The following RELN variants were observed in gnomAD, a reference collection of about 807,000 sequenced individuals.
RELN encodes reelin.
In RELN, 108 loss-of-function variants were observed where a neutral mutation model predicts 427.6. That is an observed-to-expected ratio of 0.25 (90% confidence interval 0.22 to 0.30). RELN has a LOEUF of 0.30. Ranked by LOEUF, RELN falls within the 10% of genes least tolerant of loss-of-function variation. RELN has a pLI of 1.00. For synonymous variants in RELN, 1,524 were observed against 1,513.4 expected, an observed-to-expected ratio of 1.01 and a Z score of -0.16; for missense variants, 3,715 against 4,302.8, an observed-to-expected ratio of 0.86 and a Z score of 3.82.
chr7:103,851,497 C>T (rs1446152977), intron 2 of RELN, among the ~76,000 whole-genome samples: 1 of 152,026 alleles, frequency 6.6e-6, no homozygotes, highest in East Asian at 1.9e-4. Flanking sequence ...ATAAATAAAT[C>T]CCCCCAAAAC....
chr7:103,604,534 A>T (rs362681), intron 22 of RELN, 51 bp from the exon 23 acceptor site: 1 of 1,601,242 alleles, frequency 6.2e-7, no homozygotes. Flanking sequence ...TTCAGCAGTG[A>T]CATTGGCAAA....
At chr7:103,858,463 C>T (rs1435116900) in intron 2 of RELN, among the ~76,000 whole-genome samples, 1 of 152,032 alleles carries the variant, frequency 6.6e-6, no homozygotes, top group Non-Finnish European at 1.5e-5. Flanking sequence ...GTAACCAAGC[C>T]AAATACTCTG....
intron 2 of RELN, among the ~76,000 whole-genome samples, chr7:103,884,623 G>T (rs563458723): frequency 6.6e-6 from 1 of 152,082 alleles, no homozygotes; most frequent in Admixed American, 6.5e-5. Context: ...GTGGGTGAAG[G>T]ATATGAACAG....
chr7:103,518,501 T>TC (rs1829624593), intron 49 of RELN, among the ~76,000 whole-genome samples: 1 of 139,862 alleles, frequency 7.1e-6, no homozygotes, highest in African/African-American at 3.0e-5. Context: ...CCCAGGTAAT[T>TC]TAAGTTTTTT....
At chr7:103,853,702 T>C (rs979020855) in intron 2 of RELN, among the ~76,000 whole-genome samples, 22 of 152,066 alleles carry the variant, frequency 1.4e-4, no homozygotes, top group Admixed American at 1.4e-3. Context: ...AGAATTTTTA[T>C]ATTTTAATGT....
chr7:103,748,137 AG>A (rs1281771023), intron 6 of RELN, among the ~76,000 whole-genome samples: 6 of 129,864 alleles, frequency 4.6e-5, no homozygotes, highest in Admixed American at 8.3e-5. Context: ...CTACTTAGAA[AG>A]GTTTTTTTTT....
chr7:103,969,691 T>C (rs1796724752), intron 1 of RELN, among the ~76,000 whole-genome samples: 1 of 152,208 alleles, frequency 6.6e-6, no homozygotes, highest in South Asian at 2.1e-4. Context: ...ATTATGAAAA[T>C]GTTTTTGTAA....
chr7:103,952,592 A>G (rs1796356078), intron 1 of RELN, among the ~76,000 whole-genome samples: 1 of 151,970 alleles, frequency 6.6e-6, no homozygotes, highest in Admixed American at 6.6e-5. Context: ...ACTTGACACT[A>G]AAAGAAAATC....
At position 103,569,701 on chromosome 7, in the gene RELN, A is replaced by G. The variant is rs988631011; in HGVS notation, c.4588+2483T>C. On this transcript the variant is annotated intron_variant, in intron 31 of 64. Coordinates refer to ENST00000428762, the MANE Select transcript of RELN (RefSeq NM_005045.4). The surrounding 1 kb of genome is among the most constrained non-coding windows in gnomAD (Gnocchi z 4.0). The stretch of plus-strand genomic sequence containing the variant: ...AGGGCCCCAATTCCAAAGGACAAAG[A>G]AGGAGAGCCTCTCAGATAAGAATGA... 6.6e-6 allele frequency among the ~76,000 whole-genome samples: 1 copy of G among 152,182 alleles called. No individual in the cohort carries two copies. Among genetic ancestry groups the G allele is most frequent in the African/African-American group, 2.4e-5 (1 of 41,436 alleles).
intron 2 of RELN, among the ~76,000 whole-genome samples, chr7:103,911,951 A>G (rs1041053668): frequency 2.0e-5 from 3 of 151,134 alleles, no homozygotes; most frequent in African/African-American, 4.9e-5. Context: ...ACATGTATAC[A>G]TATGTAACTA....
At chr7:103,891,717 C>T (rs1055050460) in intron 2 of RELN, among the ~76,000 whole-genome samples, 2 of 152,146 alleles carry the variant, frequency 1.3e-5, no homozygotes, top group Non-Finnish European at 2.9e-5. Flanking sequence ...CACCTTATCT[C>T]ATGTTACTAT....
chr7:103,718,245 T>C (rs957126269), intron 8 of RELN, among the ~76,000 whole-genome samples: 5 of 151,480 alleles, frequency 3.3e-5, no homozygotes, highest in African/African-American at 9.7e-5. Flanking sequence ...CCTAAGAACA[T>C]CTGTGTATCT....
At chr7:103,527,050 A>T (rs1183643254) in intron 46 of RELN, among the ~76,000 whole-genome samples, 1 of 152,142 alleles carries the variant, frequency 6.6e-6, no homozygotes, top group Non-Finnish European at 1.5e-5. Flanking sequence ...TCCATTGCTA[A>T]GTAGTTAAAA....
intron 2 of RELN, among the ~76,000 whole-genome samples, chr7:103,854,018 A>T (rs1018881604): frequency 6.6e-6 from 1 of 152,146 alleles, no homozygotes; most frequent in Non-Finnish European, 1.5e-5. Flanking sequence ...AAGGTGATGG[A>T]TATGTGAATT....
intron 50 of RELN, chr7:103,513,391 TA>T (rs1433906081): frequency 3.3e-5 from 5 of 152,244 alleles, no homozygotes; most frequent in African/African-American, 7.2e-5. Flanking sequence ...AGTCTGTGCT[TA>T]CTTTTATTCA....
intron 1 of RELN, among the ~76,000 whole-genome samples, chr7:103,975,077 A>G (rs947482788): frequency 6.6e-6 from 1 of 152,254 alleles, no homozygotes; most frequent in Non-Finnish European, 1.5e-5. Context: ...AGAGTGGGAA[A>G]GTAGAAACAC....
chr7:103,510,866 C>T lies in RELN; in HGVS notation c.8259G>A (p.Trp2753Ter), dbSNP rs1829384493. 1 of 1,613,392 alleles carries T rather than the reference C, an allele frequency of 6.2e-7. No homozygotes were observed. The change falls in exon 51 of 65, where the codon TGG becomes TGA. Residue 2753 changes from tryptophan to a stop codon, truncating the protein, a stop_gained. Coordinates refer to ENST00000428762, the MANE Select transcript of RELN (RefSeq NM_005045.4). LOFTEE classifies it high-confidence loss of function. ...VTHDLTPTEG[W>*]IMQFKISVGC... The stretch of plus-strand genomic sequence containing the variant: ...AACATTTCACCTTGAATTGCATAAT[C>T]CAGCCTTCAGTGGGAGTCAGGTCAT...
intron 4 of RELN, 103 bp downstream of exon 4, chr7:103,776,454 T>TA: frequency 8.5e-7 from 1 of 1,180,826 alleles, no homozygotes; most frequent in Non-Finnish European, 1.3e-6. Context: ...TTTTAAAGCT[T>TA]ACGATTAAGT....
chr7:103,876,801 G>A (rs1794490743), intron 2 of RELN, among the ~76,000 whole-genome samples: 1 of 150,562 alleles, frequency 6.6e-6, no homozygotes, highest in Admixed American at 6.6e-5. Context: ...AAAAAAGAAT[G>A]AAAAACTCTT....
Sources: allele counts gnomAD v4.1 joint callset (sites outside exome capture counted in the v4.1 genomes callset), GRCh38; gene constraint gnomAD v4.1.1; non-coding constraint Gnocchi (gnomAD v3.1); transcripts MANE v1.5; gene names NCBI Gene and HGNC (gene_info 2026-07-23, HGNC 2026-07-21).